The following ZC3H12B variants were observed in gnomAD, a reference collection of about 807,000 sequenced individuals.
ZC3H12B encodes probable ribonuclease ZC3H12B.
ZC3H12B carries 7 observed loss-of-function variants against 43.9 expected under a neutral mutation model. That is an observed-to-expected ratio of 0.16 (90% CI 0.09 to 0.30). The LOEUF is 0.30. Ranked by LOEUF, ZC3H12B falls within the 10% of genes least tolerant of loss-of-function variation. The pLI is 1.00. For synonymous variants in ZC3H12B, 222 were observed against 241.7 expected, an observed-to-expected ratio of 0.92 and a Z score of 0.76; for missense variants, 475 against 670.2, an observed-to-expected ratio of 0.71 and a Z score of 3.22.
At chrX:65,403,209 T>C (rs990936897) in intron 3 of ZC3H12B, among the ~76,000 whole-genome samples, 1 of 112,144 alleles carries the variant, frequency 8.9e-6, no homozygotes, top group African/African-American at 3.2e-5. Flanking sequence ...CAGAGTCTCT[T>C]AATAGCAGAA....
At chrX:65,036,101 G>A in the ZC3H12B span, among the ~76,000 whole-genome samples, 2 of 111,768 alleles carry the variant, frequency 1.8e-5, no homozygotes, top group Non-Finnish European at 3.8e-5. Context: ...TTGGCATGAG[G>A]CACCGGAAGT....
At chrX:65,379,077 C>A (rs969717007) in intron 2 of ZC3H12B, among the ~76,000 whole-genome samples, 1 of 111,895 alleles carries the variant, frequency 8.9e-6, no homozygotes, top group South Asian at 3.7e-4. Context: ...ACAAAGCAGC[C>A]GGGAAGCTCG....
At chrX:65,134,669 G>A in the ZC3H12B span, among the ~76,000 whole-genome samples, 1 of 111,364 alleles carries the variant, frequency 9.0e-6, no homozygotes, top group Non-Finnish European at 1.9e-5. Context: ...ACAGAGGACC[G>A]GTCTCCTGAA....
At chrX:65,366,521 A>G (rs1411297276), upstream of ZC3H12B, 2 of 112,311 alleles carry the variant, frequency 1.8e-5, no homozygotes, top group Non-Finnish European at 1.9e-5. Flanking sequence ...AAAGCTAGCA[A>G]AGGCTAATAT....
At chrX:65,297,322 AC>A in the ZC3H12B span, among the ~76,000 whole-genome samples, 1 of 111,372 alleles carries the variant, frequency 9.0e-6, no homozygotes, top group Non-Finnish European at 1.9e-5. Flanking sequence ...AAATCAATGT[AC>A]CTGAATCAGT....
chrX:65,381,825 C>A (rs1933957913), intron 2 of ZC3H12B, among the ~76,000 whole-genome samples: 4 of 111,963 alleles, frequency 3.6e-5, no homozygotes, highest in South Asian at 7.4e-4. Context: ...ACTACAAACA[C>A]CTCTACACAA....
chrX:65,207,337 C>A, the ZC3H12B span, among the ~76,000 whole-genome samples: 1 of 109,359 alleles, frequency 9.1e-6, no homozygotes, highest in African/African-American at 3.3e-5. Context: ...TTTGAAGCCA[C>A]CCGGATGGAA....
the ZC3H12B span, among the ~76,000 whole-genome samples, chrX:65,290,304 G>A: frequency 9.1e-6 from 1 of 110,424 alleles, no homozygotes; most frequent in Non-Finnish European, 1.9e-5. Context: ...AGGCAGAGTG[G>A]CTATTTAAAA....
the ZC3H12B span, among the ~76,000 whole-genome samples, chrX:65,086,416 T>G: frequency 2.7e-5 from 3 of 111,330 alleles, no homozygotes; most frequent in Admixed American, 2.9e-4. Context: ...TGTTCAGCAA[T>G]TGACCTCTCA....
chrX:65,157,929 C>A, the ZC3H12B span, among the ~76,000 whole-genome samples: 2 of 73,088 alleles, frequency 2.7e-5, no homozygotes, highest in South Asian at 2.8e-3. Context: ...CCCCTCCCCC[C>A]ACCCCACAAC....
chrX:65,373,480 T>C (rs181763849), intron 2 of ZC3H12B, among the ~76,000 whole-genome samples: 2 of 110,761 alleles, frequency 1.8e-5, no homozygotes, highest in African/African-American at 6.6e-5. Flanking sequence ...AGCAAAGACT[T>C]GGAACCAAAC....
At chrX:65,432,759 C>A (rs1384409411) in intron 3 of ZC3H12B, among the ~76,000 whole-genome samples, 1 of 112,279 alleles carries the variant, frequency 8.9e-6, no homozygotes, top group Non-Finnish European at 1.9e-5. Flanking sequence ...CCTCACACCA[C>A]TGGACCCCAA....
chrX:65,229,048 G>T, the ZC3H12B span, among the ~76,000 whole-genome samples: 1 of 110,352 alleles, frequency 9.1e-6, no homozygotes, highest in African/African-American at 3.3e-5. Flanking sequence ...AAGTTCATAT[G>T]GAACCAAAAA....
intron 3 of ZC3H12B, among the ~76,000 whole-genome samples, chrX:65,418,288 C>A (rs1193202132): frequency 9.0e-6 from 1 of 111,232 alleles, no homozygotes; most frequent in Non-Finnish European, 1.9e-5. Context: ...AATTCCAATG[C>A]TCTAATGGAG....
At chrX:65,423,274 G>T (rs1250173077) in intron 3 of ZC3H12B, among the ~76,000 whole-genome samples, 2 of 111,791 alleles carry the variant, frequency 1.8e-5, no homozygotes, top group South Asian at 7.5e-4. Context: ...TGGGCATTTG[G>T]GTTGGTTCCA....
At chrX:65,411,492 C>T (rs2066902566) in intron 3 of ZC3H12B, among the ~76,000 whole-genome samples, 1 of 111,020 alleles carries the variant, frequency 9.0e-6, no homozygotes, top group Admixed American at 9.6e-5. Context: ...CTTTGGGAGG[C>T]CAAGGTGGGC....
chrX:65,498,916 C>A, intron 2 of ZC3H12B, 83 bp from the exon 8 acceptor site: 2 of 793,376 alleles, frequency 2.5e-6, no homozygotes, highest in Non-Finnish European at 3.7e-6. Context: ...CCAGTACCAA[C>A]TTTTGCATTT....
chrX:65,229,824 A>C, the ZC3H12B span, among the ~76,000 whole-genome samples: 5 of 108,691 alleles, frequency 4.6e-5, no homozygotes, highest in African/African-American at 1.3e-4. Flanking sequence ...GCAAATCAAA[A>C]CCACAATGAG....
At chrX:65,245,057 A>G in the ZC3H12B span, among the ~76,000 whole-genome samples, 1 of 111,384 alleles carries the variant, frequency 9.0e-6, no homozygotes, top group Non-Finnish European at 1.9e-5. Context: ...GACAAGAGGG[A>G]TGTTAATACT....
Sources: gnomAD v4.1 joint callset for allele counts (sites outside exome capture counted in the v4.1 genomes callset) on GRCh38, gnomAD v4.1.1 for gene constraint, MANE v1.5 for transcripts, NCBI Gene and HGNC (gene_info 2026-07-23, HGNC 2026-07-21) for gene names.